Variants in NPSR1 observed in about 807,000 individuals in gnomAD.
NPSR1 encodes neuropeptide S receptor.
A neutral mutation model predicts 46.9 loss-of-function variants in NPSR1; 48 were observed. The ratio of observed to expected loss-of-function variants is 1.02; its 90% confidence interval spans 0.81 to 1.30. NPSR1 has a LOEUF of 1.30. Ranked by LOEUF, NPSR1 falls within the 50% of genes most tolerant of loss-of-function variation. The pLI, the probability that NPSR1 is intolerant of heterozygous loss-of-function variation, is 0.00. For synonymous variants in NPSR1, 176 were observed against 168.1 expected (o/e 1.05, Z -0.36); for missense variants, 450 against 449.5 (o/e 1.00, Z -0.01).
intron 8 of NPSR1, among the ~76,000 whole-genome samples, chr7:34,860,395 CTG>C (rs1791161022): frequency 6.6e-6 from 1 of 151,756 alleles, no homozygotes; most frequent in Non-Finnish European, 1.5e-5. Context: ...AAAATTAAAA[CTG>C]AAAAAATATT....
chr7:34,671,779 C>G (rs1792073386), intron 1 of NPSR1, among the ~76,000 whole-genome samples: 1 of 152,172 alleles, frequency 6.6e-6, no homozygotes, highest in African/African-American at 2.4e-5. Context: ...AAATCCATTC[C>G]CTGGTCCTTA....
At chr7:34,751,395 G>T in intron 2 of NPSR1, 1 of 1,026,848 alleles carries the variant, frequency 9.7e-7, no homozygotes. Context: ...AGTTGTTGTA[G>T]ACTTTAAGCA....
chr7:34,703,596 T>C (rs1444536479), intron 2 of NPSR1, among the ~76,000 whole-genome samples: 2 of 152,078 alleles, frequency 1.3e-5, no homozygotes, highest in Non-Finnish European at 2.9e-5. Context: ...CTCCACAATT[T>C]TGATCCCTTC....
At chr7:34,789,391 T>C (rs2128742188) in intron 3 of NPSR1, among the ~76,000 whole-genome samples, 1 of 152,070 alleles carries the variant, frequency 6.6e-6, no homozygotes. Flanking sequence ...AACCTTTAGC[T>C]AGAATAACTA....
At chr7:34,663,758 A>G (rs907811998) in intron 1 of NPSR1, among the ~76,000 whole-genome samples, 2 of 152,276 alleles carry the variant, frequency 1.3e-5, no homozygotes, top group East Asian at 3.9e-4. Context: ...TTCCGAATTT[A>G]TTATTCCAGG....
chr7:34,867,607 T>C (rs1345162427), intron 8 of NPSR1, among the ~76,000 whole-genome samples: 1 of 151,900 alleles, frequency 6.6e-6, no homozygotes, highest in African/African-American at 2.4e-5. Context: ...TAGTGTCATC[T>C]TTCTTCCTGA....
intron 3 of NPSR1, among the ~76,000 whole-genome samples, chr7:34,798,230 T>C (rs1329457205): frequency 6.6e-6 from 1 of 152,050 alleles, no homozygotes; most frequent in African/African-American, 2.4e-5. Flanking sequence ...GTGAACTGAA[T>C]GACAATATTA....
At chr7:34,668,084 A>C (rs1436946016) in intron 1 of NPSR1, among the ~76,000 whole-genome samples, 20 of 152,110 alleles carry the variant, frequency 1.3e-4, no homozygotes, top group Admixed American at 1.3e-3. Context: ...AAGAAGCCAA[A>C]ACTCTTTTGC....
At position 34,717,158 on chromosome 7, in the gene NPSR1, G is replaced by A. The variant is rs1783615821; in HGVS notation, c.280+32474G>A. 2.0e-5 allele frequency among the ~76,000 whole-genome samples: 3 copies of A among 152,182 alleles called. No homozygotes were observed. In the South Asian group the frequency reaches 6.2e-4, roughly 31 times the overall value. On this transcript the variant is annotated intron_variant, in intron 2 of 8. Coordinates refer to ENST00000360581, the MANE Select transcript of NPSR1 (RefSeq NM_207172.2). The stretch of plus-strand genomic sequence containing the variant: ...TTGTTTGATTGTTTTTTGAGACAGA[G>A]TTTCGCTCTTGTTGCCCAGGCTGCA...
chr7:34,706,066 T>C (rs1283166956), intron 2 of NPSR1, among the ~76,000 whole-genome samples: 4 of 152,120 alleles, frequency 2.6e-5, no homozygotes, highest in East Asian at 1.9e-4. Flanking sequence ...CAAATCTCCA[T>C]AGATGTTGCT....
intron 3 of NPSR1, among the ~76,000 whole-genome samples, chr7:34,790,648 A>G (rs535966286): frequency 3.4e-4 from 45 of 132,558 alleles, no homozygotes; most frequent in African/African-American, 1.2e-3. Context: ...TATATATAAT[A>G]TGTATTATGT....
At chr7:34,805,850 A>G (rs1439347568) in intron 3 of NPSR1, among the ~76,000 whole-genome samples, 1 of 152,056 alleles carries the variant, frequency 6.6e-6, no homozygotes, top group African/African-American at 2.4e-5. Context: ...ATAAGAAAAC[A>G]ACTCATTTCA....
chr7:34,827,464 C>G lies in NPSR1; in HGVS notation c.542C>G (p.Thr181Ser). ...CTGTCTTTTCTGTTCTCCATTCCCACCCTGATCATATTTGGGAAGAGGACA... is the reference window on the plus strand; with the variant it reads ...CTGTCTTTTCTGTTCTCCATTCCCAGCCTGATCATATTTGGGAAGAGGACA... The part of the protein sequence containing the change: ...WSLSFLFSIP[T>S]LIIFGKRTLS... The change falls in exon 5 of 9, where the codon ACC becomes AGC. Residue 181 changes from threonine to serine, a missense_variant. Physicochemically the swap from Thr to Ser is moderately conservative, Grantham distance 58 (BLOSUM62 1). Transcript: ENST00000360581. 6.2e-7 allele frequency: 1 copy of G among 1,614,072 alleles called. No individual in the cohort carries two copies. Among genetic ancestry groups the G allele is most frequent in the Non-Finnish European group, 8.5e-7 (1 of 1,179,966 alleles).
chr7:34,678,355 G>A (rs1455374984), intron 1 of NPSR1, among the ~76,000 whole-genome samples: 1 of 151,166 alleles, frequency 6.6e-6, no homozygotes, highest in Non-Finnish European at 1.5e-5. Context: ...CCGAGTAGCT[G>A]GGACTACAAG....
intron 2 of NPSR1, among the ~76,000 whole-genome samples, chr7:34,720,146 G>A (rs1783778486): frequency 6.6e-6 from 1 of 151,960 alleles, no homozygotes; most frequent in Non-Finnish European, 1.5e-5. Context: ...CAGGTGTAGT[G>A]GTGCACGCCT....
At chr7:34,659,199 T>C (rs1791335021) in intron 1 of NPSR1, among the ~76,000 whole-genome samples, 1 of 152,210 alleles carries the variant, frequency 6.6e-6, no homozygotes. Context: ...TTCATTAAGC[T>C]AATACTGTAT....
chr7:34,797,124 G>A (rs945824315), intron 3 of NPSR1, among the ~76,000 whole-genome samples: 7 of 152,158 alleles, frequency 4.6e-5, no homozygotes, highest in Non-Finnish European at 1.0e-4. Flanking sequence ...CCAACTTTAT[G>A]ACATTCTGGA....
At chr7:34,743,742 A>G (rs1785068709) in intron 2 of NPSR1, among the ~76,000 whole-genome samples, 1 of 152,214 alleles carries the variant, frequency 6.6e-6, no homozygotes, top group Admixed American at 6.5e-5. Flanking sequence ...CAACAAATCT[A>G]TAATTTTTAT....
At chr7:34,719,425 C>T (rs140076973) in intron 2 of NPSR1, 35 of 152,290 alleles carry the variant, frequency 2.3e-4, no homozygotes, top group South Asian at 1.7e-3. Context: ...AATGGAGTCA[C>T]AGGTTAGCAA....
Sources: allele counts gnomAD v4.1 joint callset (sites outside exome capture counted in the v4.1 genomes callset), GRCh38; gene constraint gnomAD v4.1.1; transcripts MANE v1.5; gene names NCBI Gene and HGNC (gene_info 2026-07-23, HGNC 2026-07-21).